The following CELF2 variants were observed in gnomAD, a reference collection of about 807,000 sequenced individuals.
CELF2 encodes the protein CUGBP Elav-like family member 2.
CELF2 carries 8 observed loss-of-function variants against 62.6 expected under a neutral mutation model. The observed-to-expected ratio is 0.13, with a 90% CI of 0.07 to 0.23. CELF2 has a LOEUF of 0.23. Among genes scored for constraint, CELF2 ranks in the 10% least tolerant of loss-of-function variants. CELF2 has a pLI of 1.00. For synonymous variants in CELF2, 258 were observed against 250.0 expected (o/e 1.03, Z -0.30); for missense variants, 333 against 671.0 (o/e 0.50, Z 5.56).
At chr10:11,064,468 C>CA (rs1402717274) in intron 1 of CELF2, among the ~76,000 whole-genome samples, 1 of 152,174 alleles carries the variant, frequency 6.6e-6, no homozygotes, top group East Asian at 1.9e-4. Flanking sequence ...AGTTTAAAAT[C>CA]AAACAGCATT....
At chr10:11,126,629 A>G (rs1171150105) in intron 1 of CELF2, among the ~76,000 whole-genome samples, 1 of 152,212 alleles carries the variant, frequency 6.6e-6, no homozygotes, top group Non-Finnish European at 1.5e-5. Context: ...GCTGTGTCCA[A>G]ATCAGTGCTG....
At chr10:10,720,392 C>G in the CELF2 span, among the ~76,000 whole-genome samples, 12 of 152,264 alleles carry the variant, frequency 7.9e-5, no homozygotes, top group East Asian at 7.7e-4. Context: ...GCCAGCACCC[C>G]CTTTGGGTGA....
chr10:11,155,735 T>C (rs1415668314), intron 1 of CELF2, among the ~76,000 whole-genome samples: 1 of 152,166 alleles, frequency 6.6e-6, no homozygotes, highest in Non-Finnish European at 1.5e-5. Flanking sequence ...CATAATTAGC[T>C]CCCATGGACT....
intron 9 of CELF2, among the ~76,000 whole-genome samples, chr10:11,312,779 C>T (rs1443335173): frequency 6.6e-6 from 1 of 152,120 alleles, no homozygotes; most frequent in African/African-American, 2.4e-5. Context: ...AATAAAAATA[C>T]AAAAATTAGC....
the CELF2 span, among the ~76,000 whole-genome samples, chr10:10,720,641 T>G: frequency 6.6e-6 from 1 of 152,238 alleles, no homozygotes; most frequent in Non-Finnish European, 1.5e-5. Flanking sequence ...GTTAAAAAAA[T>G]AGAGAGAAAT....
chr10:10,626,493 T>C, the CELF2 span, among the ~76,000 whole-genome samples: 6 of 152,152 alleles, frequency 3.9e-5, no homozygotes, highest in Admixed American at 3.9e-4. Context: ...TATCAGCTAC[T>C]GATAAAGCTT....
chr10:11,195,676 C>G (rs536694084), intron 2 of CELF2, among the ~76,000 whole-genome samples: 2 of 152,170 alleles, frequency 1.3e-5, no homozygotes, highest in Non-Finnish European at 2.9e-5. Context: ...CGTCACAAAC[C>G]GTACGCTTGC....
At chr10:11,273,287 C>A (rs2084564186) in intron 7 of CELF2, among the ~76,000 whole-genome samples, 1 of 152,018 alleles carries the variant, frequency 6.6e-6, no homozygotes, top group Admixed American at 6.6e-5. Flanking sequence ...GAGCGGCAGG[C>A]GAGAGAGCGT....
the CELF2 span, among the ~76,000 whole-genome samples, chr10:10,582,110 ATT>A: frequency 6.6e-6 from 1 of 152,090 alleles, no homozygotes; most frequent in Admixed American, 6.6e-5. Flanking sequence ...TCCTGTGAAA[ATT>A]TGTCTGACTG....
chr10:10,735,584 C>G, the CELF2 span, among the ~76,000 whole-genome samples: 1 of 152,204 alleles, frequency 6.6e-6, no homozygotes, highest in Admixed American at 6.5e-5. Context: ...GAGTTGAAGA[C>G]AGATGAATAT....
At position 10,851,163 on chromosome 10, in the gene CELF2, A is replaced by C. The variant is rs537541186; in HGVS notation, c.53+52346A>C. Among the ~76,000 whole-genome samples, 36 of 152,370 alleles carry C rather than the reference A, an allele frequency of 2.4e-4. No homozygotes were observed. In the East Asian group the frequency reaches 6.9e-3, roughly 29 times the overall value. On this transcript the variant is annotated intron_variant, in intron 1 of 13. Coordinates refer to the CELF2 transcript ENST00000636488. ...CCACGATGACTAACAAGGAAGAAGC[A>C]GAGGCATAATCCATATGAGTTCTTA...
At chr10:11,168,837 A>G (rs2067989828) in intron 2 of CELF2, 1 of 152,136 alleles carries the variant, frequency 6.6e-6, no homozygotes, top group Non-Finnish European at 1.5e-5. Context: ...AGATACCTAT[A>G]TTCTCACTGT....
At chr10:10,658,220 G>A in the CELF2 span, among the ~76,000 whole-genome samples, 153 of 152,286 alleles carry the variant, frequency 1.0e-3, 1 homozygote, top group African/African-American at 3.4e-3. Context: ...GGACCACTAG[G>A]ATCATTGTGG....
intron 1 of CELF2, chr10:11,164,999 C>G: frequency 1.1e-6 from 1 of 900,606 alleles, no homozygotes; most frequent in Non-Finnish European, 1.3e-6. Flanking sequence ...TTATTATTAC[C>G]ACCTCTCTCC....
intron 8 of CELF2, among the ~76,000 whole-genome samples, chr10:11,284,437 G>A (rs1590654075): frequency 6.6e-6 from 1 of 151,306 alleles, no homozygotes; most frequent in Non-Finnish European, 1.5e-5. Context: ...GATGATGGAT[G>A]AGTGTGTGGT....
At chr10:10,529,683 CAAAAAAAAAAAAAAAA>C in the CELF2 span, among the ~76,000 whole-genome samples, 3 of 65,458 alleles carry the variant, frequency 4.6e-5, no homozygotes, top group African/African-American at 1.9e-4. Flanking sequence ...GACTCCATCT[CAAAAAAAAAAAAAAAA>C]AAAAAAAAAA....
At chr10:10,621,066 A>T in the CELF2 span, among the ~76,000 whole-genome samples, 2 of 149,292 alleles carry the variant, frequency 1.3e-5, no homozygotes, top group Non-Finnish European at 3.0e-5. Context: ...CACTAAAAAT[A>T]AAAAAATAAA....
At chr10:11,317,220 A>G (rs147935096) in intron 10 of CELF2, 72 of 151,442 alleles carry the variant, frequency 4.8e-4, no homozygotes, top group African/African-American at 1.5e-3. Context: ...AAAAGTGTCT[A>G]TGGAAATATT....
chr10:10,886,808 C>T (rs2061782472), intron 1 of CELF2, among the ~76,000 whole-genome samples: 1 of 152,190 alleles, frequency 6.6e-6, no homozygotes, highest in African/African-American at 2.4e-5. Flanking sequence ...TGCACTCCAG[C>T]CTGGATGACA....
Sources: allele counts gnomAD v4.1 joint callset (sites outside exome capture counted in the v4.1 genomes callset), GRCh38; gene constraint gnomAD v4.1.1; transcripts MANE v1.5; gene names NCBI Gene and HGNC (gene_info 2026-07-23, HGNC 2026-07-21).